Variants in NR2C2 observed in about 807,000 individuals in gnomAD.
NR2C2 encodes the protein Nuclear hormone receptor TR4.
Under a neutral mutation model 62.9 loss-of-function variants are expected in NR2C2, and 6 were observed. The ratio of observed to expected loss-of-function variants is 0.10; its 90% CI spans 0.05 to 0.19. The LOEUF (loss-of-function observed/expected upper bound fraction) is 0.19. Ranked by LOEUF, NR2C2 falls within the 10% of genes least tolerant of loss-of-function variation. The probability of loss-of-function intolerance (pLI) is 1.00; values close to 1 mark genes in which losing one functional copy is unlikely to be tolerated. For missense variants in NR2C2, 479 were observed against 762.7 expected (o/e 0.63, Z 4.38); for synonymous variants, 272 against 273.8 (o/e 0.99, Z 0.07).
intron 1 of NR2C2, among the ~76,000 whole-genome samples, chr3:15,002,951 G>T (rs1452128778): frequency 6.9e-6 from 1 of 145,100 alleles, no homozygotes; most frequent in Non-Finnish European, 1.5e-5. Flanking sequence ...AGCTACCGCC[G>T]CCGACCCACA....
chr3:14,984,875 T>C (rs2040473327), intron 1 of NR2C2, among the ~76,000 whole-genome samples: 1 of 152,006 alleles, frequency 6.6e-6, no homozygotes. Flanking sequence ...TCCAAAGTCA[T>C]TGTATGAGTT....
chr3:14,957,064 T>G (rs914037892), intron 1 of NR2C2, among the ~76,000 whole-genome samples: 8 of 152,248 alleles, frequency 5.3e-5, no homozygotes, highest in Non-Finnish European at 8.8e-5. Context: ...AGATCAAATC[T>G]TCACTATAAC....
intron 5 of NR2C2, among the ~76,000 whole-genome samples, chr3:15,021,731 C>T (rs1020162351): frequency 1.3e-5 from 2 of 152,210 alleles, no homozygotes; most frequent in African/African-American, 2.4e-5. Flanking sequence ...TGCAGGCTTC[C>T]GCTGAGTATG....
At chr3:15,017,584 GTCT>G (rs2041546596) in intron 4 of NR2C2, among the ~76,000 whole-genome samples, 1 of 152,132 alleles carries the variant, frequency 6.6e-6, no homozygotes, top group Admixed American at 6.5e-5. Flanking sequence ...CCATTTGTCA[GTCT>G]TCTTCTGAGC....
intron 11 of NR2C2, among the ~76,000 whole-genome samples, chr3:15,037,094 C>T (rs1393679184): frequency 6.6e-6 from 1 of 151,518 alleles, no homozygotes; most frequent in Non-Finnish European, 1.5e-5. Flanking sequence ...TGCACTCCAG[C>T]CTGGGACAGA....
chr3:15,021,025 T>C (rs1466390766), intron 5 of NR2C2, 93 bp downstream of exon 5: 1 of 1,254,386 alleles, frequency 8.0e-7, no homozygotes, highest in South Asian at 1.5e-5. Flanking sequence ...GGCCTTAAAA[T>C]ACTTTAAGAA....
chr3:14,998,289 A>G (rs1247493433), intron 1 of NR2C2, among the ~76,000 whole-genome samples: 3 of 152,170 alleles, frequency 2.0e-5, no homozygotes, highest in Admixed American at 6.5e-5. Context: ...TATACCTAGG[A>G]GTGAAATTAT....
intron 1 of NR2C2, among the ~76,000 whole-genome samples, chr3:14,984,967 T>C (rs1469390722): frequency 6.6e-6 from 1 of 152,168 alleles, no homozygotes; most frequent in Non-Finnish European, 1.5e-5. Context: ...TTTTTACTCT[T>C]AGGCATTCTA....
intron 6 of NR2C2, 31 bp from the exon 7 acceptor site, chr3:15,024,084 G>T: frequency 6.9e-7 from 1 of 1,449,610 alleles, no homozygotes; most frequent in Non-Finnish European, 9.7e-7. Context: ...AATGTTGGAA[G>T]CTACTCTGAG....
chr3:14,990,976 T>C (rs1408030463), intron 1 of NR2C2, among the ~76,000 whole-genome samples: 2 of 152,240 alleles, frequency 1.3e-5, no homozygotes, highest in Non-Finnish European at 2.9e-5. Context: ...TTTGGCAGGT[T>C]ACTCTGCCTG....
rs2040931756 is a variant in NR2C2 at position 14,999,628 on chromosome 3, T to C, written c.-39-4248T>C. Among the ~76,000 whole-genome samples, 3 of 152,240 alleles carry C rather than the reference T, an allele frequency of 2.0e-5. No homozygotes were observed. The East Asian group carries it at 5.8e-4, about 29-fold the overall frequency. ...TTACACCTGTGTTTTCTGAGAGTTT[T>C]ATAGTTTTAACTCTTACATTTAGAT... is the stretch of plus-strand genomic sequence containing the variant. On this transcript the variant is annotated intron_variant, in intron 1 of 13. Transcript: ENST00000425241.
intron 2 of NR2C2, among the ~76,000 whole-genome samples, chr3:15,006,932 C>T (rs2041190333): frequency 2.0e-5 from 3 of 151,792 alleles, no homozygotes; most frequent in Admixed American, 6.6e-5. Context: ...TGCGCCACCA[C>T]GCCAGGCTAA....
chr3:15,010,794 C>G (rs1351339125), intron 2 of NR2C2, among the ~76,000 whole-genome samples: 1 of 151,956 alleles, frequency 6.6e-6, no homozygotes. Context: ...GAACCAGTAA[C>G]TTCTACTTCC....
intron 13 of NR2C2, among the ~76,000 whole-genome samples, chr3:15,039,666 G>C (rs2042199225): frequency 6.6e-6 from 1 of 152,172 alleles, no homozygotes; most frequent in Non-Finnish European, 1.5e-5. Flanking sequence ...TGAAGAGGCA[G>C]TGCTAGAGTA....
chr3:15,023,400 C>T, intron 6 of NR2C2, 53 bp downstream of exon 6: 1 of 1,594,592 alleles, frequency 6.3e-7, no homozygotes, highest in Non-Finnish European at 8.6e-7. Flanking sequence ...GGAGGAGGCA[C>T]AGACGTGTCC....
At chr3:14,965,809 G>A (rs1250761747) in intron 1 of NR2C2, among the ~76,000 whole-genome samples, 2 of 152,046 alleles carry the variant, frequency 1.3e-5, no homozygotes, top group South Asian at 2.1e-4. Flanking sequence ...GATTACAGGC[G>A]TGGGGCACTA....
intron 1 of NR2C2, chr3:14,959,039 C>T (rs1183559818): frequency 1.3e-5 from 2 of 152,224 alleles, no homozygotes; most frequent in African/African-American, 4.8e-5. Context: ...CTAGACACAA[C>T]CCACTGTTCC....
chr3:14,982,385 G>T (rs1364255545), intron 1 of NR2C2, among the ~76,000 whole-genome samples: 1 of 152,162 alleles, frequency 6.6e-6, no homozygotes, highest in Non-Finnish European at 1.5e-5. Flanking sequence ...ACAAAAACCT[G>T]CTGACTGCTG....
At chr3:14,976,553 T>C (rs2040209545) in intron 1 of NR2C2, among the ~76,000 whole-genome samples, 1 of 151,724 alleles carries the variant, frequency 6.6e-6, no homozygotes, top group Non-Finnish European at 1.5e-5. Flanking sequence ...ATCCTTTACT[T>C]CTCTCTTGTT....
Sources: gnomAD v4.1 joint callset for allele counts (sites outside exome capture counted in the v4.1 genomes callset) on GRCh38, gnomAD v4.1.1 for gene constraint, MANE v1.5 for transcripts, NCBI Gene and HGNC (gene_info 2026-07-23, HGNC 2026-07-21) for gene names.